MYO16: variants seen among roughly 807,000 people sequenced by gnomAD.
The protein encoded by MYO16 is unconventional myosin-XVI.
A neutral mutation model predicts 205.3 loss-of-function variants in MYO16; 94 were observed. The ratio of observed to expected loss-of-function variants is 0.46; its 90% CI spans 0.39 to 0.54. The LOEUF is 0.54. Among genes scored for constraint, MYO16 ranks in the 20% least tolerant of loss-of-function variants. The probability of loss-of-function intolerance (pLI) is 0.00; values close to 1 mark genes in which losing one functional copy is unlikely to be tolerated. For missense variants in MYO16, 2,315 were observed against 2,387.5 expected (o/e 0.97, Z 0.63); for synonymous variants, 988 against 954.0 (o/e 1.04, Z -0.66).
the MYO16 span, among the ~76,000 whole-genome samples, chr13:108,532,661 C>T: frequency 6.6e-6 from 1 of 151,756 alleles, no homozygotes; most frequent in Non-Finnish European, 1.5e-5. Context: ...CATGGTGGCA[C>T]GTGTCTGTGG....
chr13:108,806,074 G>A (rs1306129569), intron 6 of MYO16, among the ~76,000 whole-genome samples: 1 of 152,010 alleles, frequency 6.6e-6, no homozygotes, highest in Non-Finnish European at 1.5e-5. Flanking sequence ...TTCCACCACT[G>A]CACTCCAGCC....
intron 16 of MYO16, among the ~76,000 whole-genome samples, chr13:108,917,490 G>A (rs1881547166): frequency 6.6e-6 from 1 of 152,214 alleles, no homozygotes; most frequent in Admixed American, 6.5e-5. Flanking sequence ...CAGTTATTCA[G>A]CACTCTCTAT....
the MYO16 span, among the ~76,000 whole-genome samples, chr13:108,497,035 G>C: frequency 6.6e-6 from 1 of 152,174 alleles, no homozygotes; most frequent in African/African-American, 2.4e-5. Flanking sequence ...ACACGCGTTT[G>C]TCATGTGTTC....
intron 16 of MYO16, among the ~76,000 whole-genome samples, chr13:108,917,192 A>G (rs957083776): frequency 6.6e-6 from 1 of 152,266 alleles, no homozygotes; most frequent in South Asian, 2.1e-4. Context: ...TAGGCCCCCT[A>G]ACTTAAGAGC....
At chr13:108,779,849 G>C (rs1027908603) in intron 4 of MYO16, 1 of 152,216 alleles carries the variant, frequency 6.6e-6, no homozygotes, top group Non-Finnish European at 1.5e-5. Context: ...TGGTAAAGGA[G>C]GACCCTCCGG....
chr13:108,516,145 C>A, the MYO16 span, among the ~76,000 whole-genome samples: 1 of 151,938 alleles, frequency 6.6e-6, no homozygotes, highest in Non-Finnish European at 1.5e-5. Flanking sequence ...GGGCGTAGGA[C>A]CCTCTGAGCC....
Position 109,152,308 on chromosome 13 carries a change from G to C in MYO16, c.5164+10932G>C, listed in dbSNP as rs1877717688. 2.6e-5 allele frequency among the ~76,000 whole-genome samples: 4 copies of C among 152,154 alleles called. 1 individual carries two copies. The South Asian group carries it at 8.3e-4, about 31-fold the overall frequency. On this transcript the variant is annotated intron_variant, in intron 32 of 34. Transcript: ENST00000457511. ...ATTTCGGAGATAGGAGCACACTCTT[G>C]GTGTTGTTCTAGTTCCTTCTAATCA...
chr13:109,188,124 A>C (rs1879762789), intron 34 of MYO16, among the ~76,000 whole-genome samples: 1 of 152,132 alleles, frequency 6.6e-6, no homozygotes, highest in African/African-American at 2.4e-5. Flanking sequence ...CTTTGTCTTA[A>C]GTCTACTTTG....
chr13:108,934,608 T>C (rs1882400538), intron 16 of MYO16, among the ~76,000 whole-genome samples: 1 of 152,102 alleles, frequency 6.6e-6, no homozygotes, highest in Admixed American at 6.5e-5. Context: ...AATAGGTCTC[T>C]CTCACTTGTC....
chr13:109,161,603 A>T (rs1016072361), intron 32 of MYO16, among the ~76,000 whole-genome samples: 7 of 152,242 alleles, frequency 4.6e-5, no homozygotes, highest in African/African-American at 1.7e-4. Context: ...AATGTGAGGA[A>T]GTATCATGCT....
intron 34 of MYO16, among the ~76,000 whole-genome samples, chr13:109,199,339 C>T (rs2139966873): frequency 6.6e-6 from 1 of 150,876 alleles, no homozygotes; most frequent in South Asian, 2.1e-4. Flanking sequence ...TCAGTTGTCC[C>T]ATTCATGAAG....
At chr13:108,574,653 G>C in the MYO16 span, among the ~76,000 whole-genome samples, 1 of 148,344 alleles carries the variant, frequency 6.7e-6, no homozygotes, top group Non-Finnish European at 1.5e-5. Flanking sequence ...ACAGCAGGGG[G>C]CCTACCAATA....
the MYO16 span, among the ~76,000 whole-genome samples, chr13:108,581,383 A>G: frequency 1.3e-5 from 2 of 152,214 alleles, no homozygotes; most frequent in African/African-American, 4.8e-5. Context: ...TGCAAGCTAC[A>G]TTGAACATCC....
the MYO16 span, among the ~76,000 whole-genome samples, chr13:108,527,689 G>T: frequency 6.6e-6 from 1 of 152,184 alleles, no homozygotes; most frequent in Non-Finnish European, 1.5e-5. Flanking sequence ...AATGGTATAT[G>T]CCAATAAAAG....
intron 20 of MYO16, 39 bp downstream of exon 20, chr13:108,964,941 G>C: frequency 6.3e-7 from 1 of 1,592,018 alleles, no homozygotes; most frequent in East Asian, 2.2e-5. Context: ...TGTCATTACT[G>C]TAATAAATAA....
At chr13:109,139,955 G>C (rs1230700420) in intron 31 of MYO16, among the ~76,000 whole-genome samples, 3 of 151,966 alleles carry the variant, frequency 2.0e-5, no homozygotes, top group South Asian at 4.2e-4. Flanking sequence ...ACTAGGCAAG[G>C]GGGGTGGGTG....
At chr13:108,797,351 G>A (rs1886825935) in intron 6 of MYO16, among the ~76,000 whole-genome samples, 1 of 152,190 alleles carries the variant, frequency 6.6e-6, no homozygotes, top group African/African-American at 2.4e-5. Flanking sequence ...GATGTTGAAA[G>A]CTTTGATACT....
chr13:108,718,422 G>A (rs1180185094), intron 3 of MYO16, among the ~76,000 whole-genome samples: 1 of 151,722 alleles, frequency 6.6e-6, no homozygotes, highest in East Asian at 2.0e-4. Flanking sequence ...CTCTGCACAG[G>A]AAGGTATTCC....
intron 1 of MYO16, among the ~76,000 whole-genome samples, chr13:108,601,550 A>AT (rs34966275): frequency 0.36 from 55,310 of 151,706 alleles, 11,383 homozygotes; most frequent in Non-Finnish European, 0.46. Context: ...CAATATAGTA[A>AT]TTTTTTTCAA....
Sources: gnomAD v4.1 joint callset for allele counts (sites outside exome capture counted in the v4.1 genomes callset) on GRCh38, gnomAD v4.1.1 for gene constraint, MANE v1.5 for transcripts, NCBI Gene and HGNC (gene_info 2026-07-23, HGNC 2026-07-21) for gene names.